Variants in GRID1 observed in about 807,000 individuals in gnomAD.
The protein encoded by GRID1 is glutamate receptor ionotropic, delta-1.
In GRID1, 28 loss-of-function variants were observed where a neutral mutation model predicts 98.0. That is an observed-to-expected ratio of 0.29 (90% CI 0.21 to 0.39). GRID1 has a LOEUF of 0.39. Among genes scored for constraint, GRID1 ranks in the 10% least tolerant of loss-of-function variants. The pLI is 1.00. For missense variants in GRID1, 1,111 were observed against 1,340.5 expected, an observed-to-expected ratio of 0.83 and a Z score of 2.67; for synonymous variants, 553 against 538.5, an observed-to-expected ratio of 1.03 and a Z score of -0.37.
chr10:86,247,230 A>G (rs1454387228), intron 2 of GRID1, among the ~76,000 whole-genome samples: 1 of 150,354 alleles, frequency 6.7e-6, no homozygotes, highest in African/African-American at 2.5e-5. Context: ...AGTAGATGGA[A>G]GGACAGAGGG....
intron 8 of GRID1, among the ~76,000 whole-genome samples, chr10:85,801,645 G>A (rs910709958): frequency 6.6e-6 from 1 of 151,546 alleles, no homozygotes; most frequent in Non-Finnish European, 1.5e-5. Flanking sequence ...TGGAAAGAAA[G>A]TGCTTTATTT....
At chr10:86,157,091 C>G (rs1442791447) in intron 3 of GRID1, among the ~76,000 whole-genome samples, 1 of 152,062 alleles carries the variant, frequency 6.6e-6, no homozygotes, top group Non-Finnish European at 1.5e-5. Context: ...CCTCTGGAAG[C>G]CTGAAGGTGG....
At chr10:85,740,756 CTT>C (rs34684480) in intron 8 of GRID1, among the ~76,000 whole-genome samples, 30,594 of 147,066 alleles carry the variant, frequency 0.21, 3,367 homozygotes, top group Middle Eastern at 0.28. Context: ...ATACACTGTA[CTT>C]TTTTTTTTTT....
chr10:85,630,240 AC>A (rs1423718766), intron 13 of GRID1, among the ~76,000 whole-genome samples: 1 of 152,210 alleles, frequency 6.6e-6, no homozygotes, highest in Non-Finnish European at 1.5e-5. Flanking sequence ...AGACAGGTGG[AC>A]CAAGTCTTTC....
chr10:86,192,887 G>A lies in GRID1; in HGVS notation c.520+13477C>T, dbSNP rs1345504688. 6.6e-6 allele frequency among the ~76,000 whole-genome samples: 1 copy of A among 151,986 alleles called. No homozygotes were observed. Among genetic ancestry groups the A allele is most frequent in the Non-Finnish European group, 1.5e-5 (1 of 67,908 alleles). ...CACAGTGAGGATGCAGCCTCCCAGA[G>A]CCTGAGTCCCAGGCCTAAGGCTCCA... On this transcript the variant is annotated intron_variant, in intron 3 of 15. Coordinates refer to ENST00000327946, the MANE Select transcript of GRID1 (RefSeq NM_017551.3). This position sits in a 1 kb window ranked among gnomAD's most constrained non-coding sequence, Gnocchi z 4.8.
intron 4 of GRID1, among the ~76,000 whole-genome samples, chr10:85,988,751 C>T (rs1315039852): frequency 6.6e-6 from 1 of 152,212 alleles, no homozygotes; most frequent in Non-Finnish European, 1.5e-5. Context: ...CAACCAAAGC[C>T]ACTTTGACCA....
chr10:86,305,186 A>G (rs1424156782), intron 2 of GRID1, among the ~76,000 whole-genome samples: 1 of 151,778 alleles, frequency 6.6e-6, no homozygotes, highest in Non-Finnish European at 1.5e-5. Context: ...AGACTGCAAC[A>G]TCAACTCTCC....
At chr10:85,965,637 G>C (rs898561933) in intron 4 of GRID1, among the ~76,000 whole-genome samples, 1 of 152,108 alleles carries the variant, frequency 6.6e-6, no homozygotes, top group Non-Finnish European at 1.5e-5. Flanking sequence ...GGCCTGTCAG[G>C]GGGTGGGAGG....
At chr10:85,843,329 T>A (rs1265247901) in intron 8 of GRID1, among the ~76,000 whole-genome samples, 1 of 151,530 alleles carries the variant, frequency 6.6e-6, no homozygotes, top group Non-Finnish European at 1.5e-5. Flanking sequence ...AATATGAAAA[T>A]ATCAAACTTT....
chr10:85,727,959 C>A lies in GRID1; in HGVS notation c.1429G>T (p.Ala477Ser). 6.2e-7 allele frequency: 1 copy of A among 1,613,768 alleles called. No homozygotes were observed. The highest frequency in any genetic ancestry group is 8.5e-7 in the Non-Finnish European group (1 of 1,179,714). ...TAAATCTCATATTTAAAGCCCAGAGCCTTGGCCAGTGCATCCAGGACATCT... is the reference window on the plus strand; with the variant it reads ...TAAATCTCATATTTAAAGCCCAGAGACTTGGCCAGTGCATCCAGGACATCT... ...SIDVLDALAK[A>S]LGFKYEIYQA... The change falls in exon 10 of 16, where the codon GCT becomes TCT. Residue 477 changes from alanine to serine, a missense_variant. Ala to Ser is a moderately conservative substitution (Grantham distance 99). Coordinates refer to ENST00000327946, the MANE Select transcript of GRID1 (RefSeq NM_017551.3).
intron 8 of GRID1, among the ~76,000 whole-genome samples, chr10:85,750,385 A>G (rs1480504199): frequency 6.6e-6 from 1 of 152,202 alleles, no homozygotes; most frequent in Non-Finnish European, 1.5e-5. Context: ...CTATTTTAAG[A>G]GCAAGGCTTC....
At chr10:86,003,856 A>G (rs1046390929) in intron 4 of GRID1, among the ~76,000 whole-genome samples, 2 of 152,184 alleles carry the variant, frequency 1.3e-5, no homozygotes, top group African/African-American at 4.8e-5. Flanking sequence ...GAACTTGGAG[A>G]TCCCTTTGGC....
chr10:85,617,638 G>A (rs1842807708), intron 14 of GRID1, among the ~76,000 whole-genome samples: 3 of 152,180 alleles, frequency 2.0e-5, no homozygotes, highest in Admixed American at 2.0e-4. Flanking sequence ...GGAAGATGAG[G>A]AAACTGTGGG....
chr10:86,225,931 T>A (rs1212197933), intron 2 of GRID1, among the ~76,000 whole-genome samples: 1 of 152,094 alleles, frequency 6.6e-6, no homozygotes, highest in Non-Finnish European at 1.5e-5. Context: ...GCTGCAGGCA[T>A]TCGTGGGGTC....
At chr10:86,361,604 TC>T (rs1426362547) in intron 2 of GRID1, among the ~76,000 whole-genome samples, 1 of 152,206 alleles carries the variant, frequency 6.6e-6, no homozygotes, top group Non-Finnish European at 1.5e-5. Flanking sequence ...GGAACCTTTG[TC>T]CCCAGGACAA....
Position 85,725,355 on chromosome 10 carries a change from T to C in GRID1, c.1534-679A>G, listed in dbSNP as rs150607548. 5.1e-3 allele frequency among the ~76,000 whole-genome samples: 780 copies of C among 152,314 alleles called. 3 individuals are homozygous for C. Among genetic ancestry groups the C allele is most frequent in the Non-Finnish European group, 8.2e-3 (556 of 68,020 alleles). On this transcript the variant is annotated intron_variant, in intron 10 of 15. Coordinates refer to ENST00000327946, the MANE Select transcript of GRID1 (RefSeq NM_017551.3). ...GCAAACCCACAGGTTTATTCTTCCA[T>C]GGTAAAGCCATGGTGTGAAGAATCT...
chr10:86,308,982 T>C (rs907081368), intron 2 of GRID1, among the ~76,000 whole-genome samples: 2 of 152,218 alleles, frequency 1.3e-5, no homozygotes, highest in Non-Finnish European at 2.9e-5. Flanking sequence ...AACATGCGTT[T>C]TGGAGAGGAC....
intron 8 of GRID1, among the ~76,000 whole-genome samples, chr10:85,837,920 A>T (rs760194437): frequency 2.0e-5 from 3 of 152,240 alleles, no homozygotes; most frequent in African/African-American, 4.8e-5. Flanking sequence ...AATCATGATA[A>T]TATATTGCAG....
chr10:85,813,677 C>T (rs1328958048), intron 8 of GRID1, among the ~76,000 whole-genome samples: 1 of 151,780 alleles, frequency 6.6e-6, no homozygotes, highest in Non-Finnish European at 1.5e-5. Context: ...CAGAGGGAAA[C>T]TTGCATCTTC....
Sources: allele counts gnomAD v4.1 joint callset (sites outside exome capture counted in the v4.1 genomes callset), GRCh38; gene constraint gnomAD v4.1.1; non-coding constraint Gnocchi (gnomAD v3.1); transcripts MANE v1.5; gene names NCBI Gene and HGNC (gene_info 2026-07-23, HGNC 2026-07-21).